Variants in SMARCC1 observed in about 807,000 individuals in gnomAD.
The protein encoded by SMARCC1 is SWI/SNF related BAF chromatin remodeling complex subunit C1, also known as SWI/SNF complex subunit SMARCC1.
In SMARCC1, 43 loss-of-function variants were observed where a neutral mutation model predicts 147.4. The observed-to-expected ratio is 0.29, with a 90% CI of 0.23 to 0.38. SMARCC1 has a LOEUF of 0.38. Ranked by LOEUF, SMARCC1 falls within the 10% of genes least tolerant of loss-of-function variation. The pLI, the probability that SMARCC1 is intolerant of heterozygous loss-of-function variation, is 1.00. For missense variants in SMARCC1, 1,119 were observed against 1,381.1 expected (o/e 0.81, Z 3.01); for synonymous variants, 495 against 484.4 (o/e 1.02, Z -0.29).
chr3:47,694,821 A>G (rs1250702425), intron 11 of SMARCC1, among the ~76,000 whole-genome samples: 2 of 152,206 alleles, frequency 1.3e-5, no homozygotes, highest in Non-Finnish European at 2.9e-5. Context: ...TTGGCCATGT[A>G]TTTATTTCTA....
At chr3:47,760,266 C>G (rs1183574215) in intron 2 of SMARCC1, among the ~76,000 whole-genome samples, 1 of 151,956 alleles carries the variant, frequency 6.6e-6, no homozygotes, top group Non-Finnish European at 1.5e-5. Flanking sequence ...GAGCCAGGAT[C>G]GTACCACTGC....
intron 17 of SMARCC1, 73 bp downstream of exon 17, chr3:47,676,556 G>A (rs1453757808): frequency 9.4e-7 from 1 of 1,063,156 alleles, no homozygotes; most frequent in East Asian, 2.5e-5. Flanking sequence ...AATAATAATT[G>A]TTTCTAAATA....
chr3:47,724,613 G>A (rs1316311050), intron 6 of SMARCC1, among the ~76,000 whole-genome samples: 2 of 152,158 alleles, frequency 1.3e-5, no homozygotes, highest in African/African-American at 2.4e-5. Flanking sequence ...TAGCATTACT[G>A]TATTTTATGT....
At chr3:47,765,229 C>G (rs1046945891) in intron 2 of SMARCC1, among the ~76,000 whole-genome samples, 4 of 147,938 alleles carry the variant, frequency 2.7e-5, no homozygotes, top group Non-Finnish European at 5.9e-5. Context: ...CCAGCCTGAG[C>G]AACAAGAGAG....
At chr3:47,705,611 G>C (rs563753294) in intron 10 of SMARCC1, among the ~76,000 whole-genome samples, 6 of 152,164 alleles carry the variant, frequency 3.9e-5, no homozygotes, top group Non-Finnish European at 8.8e-5. Context: ...CTAGGGTAGA[G>C]AGGAAAGTCT....
chr3:47,654,944 C>CATAT (rs1485675048), intron 21 of SMARCC1, among the ~76,000 whole-genome samples: 1 of 152,164 alleles, frequency 6.6e-6, no homozygotes, highest in Non-Finnish European at 1.5e-5. Flanking sequence ...ACAAAGAAAC[C>CATAT]ATATCCAAAC....
rs991083182 is a variant in SMARCC1, at chr3:47,781,888, G to C, written c.-91C>G. 1 of 883,776 alleles carries C rather than the reference G, an allele frequency of 1.1e-6. No individual in the cohort carries two copies. Among genetic ancestry groups the C allele is most frequent in the Non-Finnish European group, 1.5e-6 (1 of 668,580 alleles). The allele number at this position is 883,776 out of a possible 1,614,324, so 54.7% of individuals were successfully genotyped here. The stretch of plus-strand genomic sequence containing the variant: ...CGCGCGCACCCCCGCGCGCGTAGCC[G>C]CCACTGCCGCTTCCCGGCCCCGCCC... On this transcript the variant is annotated 5_prime_UTR_variant, in exon 1 of 28. Coordinates refer to ENST00000254480, the MANE Select transcript of SMARCC1 (RefSeq NM_003074.4).
chr3:47,588,987 T>C (rs1056938060), intron 27 of SMARCC1, among the ~76,000 whole-genome samples: 28 of 152,174 alleles, frequency 1.8e-4, no homozygotes, highest in African/African-American at 6.5e-4. Context: ...CGAGAGATCA[T>C]TTAATCCGGG....
intron 3 of SMARCC1, among the ~76,000 whole-genome samples, chr3:47,744,896 G>A (rs2034549588): frequency 6.6e-6 from 1 of 152,292 alleles, no homozygotes; most frequent in South Asian, 2.1e-4. Context: ...CCTAGGCAAA[G>A]ATCTCTATTT....
rs1559650578 is a variant in SMARCC1 at position 47,708,092 on chromosome 3, T to TTTTTTC, written c.919-1563_919-1562insGAAAAA. Among the ~76,000 whole-genome samples the TTTTTTC allele has an allele frequency of 5.4e-4, 39 of 72,870 alleles. 2 individuals carry two copies. In the South Asian group the frequency reaches 5.5e-3, roughly 10 times the overall value. The allele number at this position is 72,870 out of a possible 152,430, so 47.8% of individuals were successfully genotyped here. A position where few individuals can be genotyped will look rare whatever the true frequency, so the allele number is the denominator to read the frequency against. On this transcript the variant is annotated intron_variant, in intron 9 of 27. Transcript: ENST00000254480. Reference sequence around the variant, plus strand: ...AAGTTGAATTTTTTTTCTTTTTTTTTTTTTTTTTTTTTTTTTTTTTTTTTT... The same window carrying TTTTTTC: ...AAGTTGAATTTTTTTTCTTTTTTTTTTTTTTCTTTTTTTTTTTTTTTTTTTTTTTTT...
intron 11 of SMARCC1, among the ~76,000 whole-genome samples, chr3:47,695,762 C>CAAAA (rs755840430): frequency 1.7e-5 from 1 of 59,924 alleles, no homozygotes; most frequent in Non-Finnish European, 3.1e-5. Context: ...GATTCTGTCT[C>CAAAA]AAAAAAAAAA....
intron 22 of SMARCC1, 69 bp from the exon 23 acceptor site, chr3:47,636,205 ATC>A: frequency 1.3e-6 from 1 of 770,566 alleles, no homozygotes; most frequent in South Asian, 1.6e-5. Context: ...ATGAGTAATT[ATC>A]TTAGACTAGC....
chr3:47,759,964 T>C (rs899850941), intron 2 of SMARCC1, among the ~76,000 whole-genome samples: 3 of 151,244 alleles, frequency 2.0e-5, no homozygotes, highest in African/African-American at 7.3e-5. Context: ...AGAAAAAATG[T>C]ATCAGCCCGT....
chr3:47,781,532 C>A (rs1039089629), intron 1 of SMARCC1, 71 bp downstream of exon 1: 35 of 1,153,910 alleles, frequency 3.0e-5, no homozygotes, highest in Non-Finnish European at 3.8e-5. Flanking sequence ...CGGCCCGAGG[C>A]CCGCGAGGCC....
At chr3:47,667,127 C>G (rs983414399) in intron 19 of SMARCC1, among the ~76,000 whole-genome samples, 3 of 151,978 alleles carry the variant, frequency 2.0e-5, no homozygotes, top group African/African-American at 7.3e-5. Flanking sequence ...ACCATCCTGG[C>G]TAACATGGTG....
intron 19 of SMARCC1, 91 bp downstream of exon 19, chr3:47,670,567 C>A: frequency 4.7e-6 from 4 of 853,692 alleles, no homozygotes; most frequent in Admixed American, 3.6e-5. Flanking sequence ...CTGGGTGACA[C>A]AGCGAGACCC....
intron 24 of SMARCC1, among the ~76,000 whole-genome samples, chr3:47,622,842 G>A (rs188332510): frequency 1.3e-5 from 2 of 152,250 alleles, no homozygotes; most frequent in Admixed American, 1.3e-4. Flanking sequence ...TGTAATTCCA[G>A]GTCCAAGTCC....
At chr3:47,665,885 A>G (rs1020331160) in intron 19 of SMARCC1, among the ~76,000 whole-genome samples, 1 of 148,074 alleles carries the variant, frequency 6.8e-6, no homozygotes, top group Non-Finnish European at 1.5e-5. Flanking sequence ...CGGTCTTGCT[A>G]TGTTGCCCAA....
chr3:47,744,777 GAAAAA>G (rs1024980322), intron 3 of SMARCC1, among the ~76,000 whole-genome samples: 1 of 151,512 alleles, frequency 6.6e-6, no homozygotes, highest in South Asian at 2.1e-4. Flanking sequence ...GAGTTCAAGA[GAAAAA>G]AAAGAAATAG....
Sources: gnomAD v4.1 joint callset for allele counts (sites outside exome capture counted in the v4.1 genomes callset) on GRCh38, gnomAD v4.1.1 for gene constraint, MANE v1.5 for transcripts, NCBI Gene and HGNC (gene_info 2026-07-23, HGNC 2026-07-21) for gene names.